The following SRRT variants were observed in gnomAD, a reference collection of about 807,000 sequenced individuals.
The protein encoded by SRRT is serrate, RNA effector molecule.
Under a neutral mutation model 103.2 loss-of-function variants are expected in SRRT, and 32 were observed. That is an observed-to-expected ratio of 0.31 (90% CI 0.23 to 0.42). The LOEUF (loss-of-function observed/expected upper bound fraction) is 0.42, where lower values mean the gene tolerates loss of function less well. SRRT is among the 10% of genes least tolerant of loss of function. The pLI is 1.00. For missense variants in SRRT, 986 were observed against 1,207.5 expected (o/e 0.82, Z 2.72); for synonymous variants, 525 against 449.0 (o/e 1.17, Z -2.14).
At chr7:100,875,392 G>C (rs1815570089) in intron 1 of SRRT, 64 bp downstream of exon 1, 1 of 1,364,040 alleles carries the variant, frequency 7.3e-7, no homozygotes, top group Non-Finnish European at 9.5e-7. Context: ...GTCCACGGGG[G>C]CGGGCGCGGA....
chr7:100,884,783 A>C lies in SRRT; in HGVS notation c.986A>C (p.Glu329Ala). ...AATGATGACAAAACAAAGAAGTCGG[A>C]GGGTGATGGGGACAAGGAAGAGAAG... ...SSNDDKTKKSEGDGDKEEKKE... is the reference protein window; with the variant it reads ...SSNDDKTKKSAGDGDKEEKKE... The change falls in exon 8 of 20, where the codon GAG (glutamate) becomes GCG (alanine). Residue 329 changes from glutamate (E) to alanine (A), a missense_variant. By Grantham distance (107) the Glu-to-Ala change is moderately radical. Transcript: ENST00000611405. 1 of 1,613,962 alleles carries C rather than the reference A, an allele frequency of 6.2e-7. No individual in the cohort carries two copies. The highest frequency in any genetic ancestry group is 8.5e-7 in the Non-Finnish European group (1 of 1,179,976).
chr7:100,877,732 G>C (rs919862964), intron 2 of SRRT, among the ~76,000 whole-genome samples: 2 of 151,908 alleles, frequency 1.3e-5, no homozygotes, highest in Admixed American at 6.6e-5. Context: ...ATGTTGGCCA[G>C]CTGGTCTTGA....
Position 100,888,082 on chromosome 7 carries a change from C to T in SRRT, c.2367C>T (p.His789=). 6.2e-7 allele frequency: 1 copy of T among 1,603,300 alleles called. No individual in the cohort carries two copies. Among genetic ancestry groups the T allele is most frequent in the East Asian group, 2.2e-5 (1 of 44,856 alleles). ...PGLTPGLPYP[H]QTPQGLMPYG... ...TGACCCCAGGACTCCCCTACCCACA[C>T]CAGACTCCCCAGGGCCTGATGCCCT... Residue 789 remains histidine, a synonymous_variant, in exon 18 of 20, where the codon CAC becomes CAT. Coordinates refer to ENST00000611405, the MANE Select transcript of SRRT (RefSeq NM_015908.6).
At position 100,875,909 on chromosome 7, in the gene SRRT, TC is replaced by T. The variant is rs1815642838; in HGVS notation, c.122+198del. On this transcript the variant is annotated intron_variant, in intron 2 of 19. Coordinates refer to ENST00000611405, the MANE Select transcript of SRRT (RefSeq NM_015908.6). ...CTTGGTTTTTGAAATTCTCTGCAGA[TC>T]AGAGCTATAGAGCTAAGAGTTTGAG... 1.0e-5 allele frequency: 6 copies of T among 589,862 alleles called. No homozygotes were observed. The East Asian group carries it at 1.9e-4, about 19-fold the overall frequency. The allele number at this position is 589,862 out of a possible 1,614,324, so 36.5% of individuals were successfully genotyped here. A position where few individuals can be genotyped will look rare whatever the true frequency, so the allele number is the denominator to read the frequency against.
In SRRT at chr7:100,888,653, A is replaced by G; in HGVS notation, c.*104A>G. The G allele has an allele frequency of 6.7e-7, 1 of 1,497,898 alleles. No individual in the cohort carries two copies. 92.8% of individuals were successfully genotyped at this position (1,497,898 alleles called of 1,614,324 possible). A position where few individuals can be genotyped will look rare whatever the true frequency, so the allele number is the denominator to read the frequency against. On this transcript the variant is annotated 3_prime_UTR_variant, in exon 20 of 20. Transcript: ENST00000611405. ...GATCAGCCTTACTGCTAATAAAAGC[A>G]CTTCCACAGGGCTCCTGACTCTCGT...
At chr7:100,884,289 G>A (rs771695055) in intron 6 of SRRT, 50 bp downstream of exon 6, 4 of 1,613,242 alleles carry the variant, frequency 2.5e-6, no homozygotes, top group Non-Finnish European at 2.5e-6. Flanking sequence ...TGGGGGTGGG[G>A]GTGTCTGGGG....
chr7:100,886,689 G>A, intron 13 of SRRT, 106 bp from the exon 14 acceptor site: 2 of 1,311,194 alleles, frequency 1.5e-6, no homozygotes, highest in South Asian at 1.3e-5. Context: ...TGCCATTTAT[G>A]TCCGGTGAAC....
In SRRT at chr7:100,882,286, C is replaced by T. The variant is rs746977672; in HGVS notation, c.587+45C>T. ...TGGACCTCTGCCCTGGCATGTCCCCCTGGCCCCGCTGGTGGAGCCACAGCC... is the reference window on the plus strand; with the variant it reads ...TGGACCTCTGCCCTGGCATGTCCCCTTGGCCCCGCTGGTGGAGCCACAGCC... On this transcript the variant is annotated intron_variant, in intron 5 of 19. Coordinates refer to ENST00000611405, the MANE Select transcript of SRRT (RefSeq NM_015908.6). The surrounding 1 kb of genome is among the most constrained non-coding windows in gnomAD (Gnocchi z 4.2). 4 of 1,587,788 alleles carry T rather than the reference C, an allele frequency of 2.5e-6. No homozygotes were observed. The highest frequency in any genetic ancestry group is 2.7e-5 in the African/African-American group (2 of 74,426).
Position 100,884,071 on chromosome 7 carries a change from T to C in SRRT, c.589T>C (p.Phe197Leu), listed in dbSNP as rs766301386. 6.4e-7 allele frequency: 1 copy of C among 1,573,038 alleles called. No homozygotes were observed. Among genetic ancestry groups the C allele is most frequent in the Non-Finnish European group, 8.6e-7 (1 of 1,164,662 alleles). ...TTCCCTCCCCCGCTTCGTTCCCAGG[T>C]TTCGGTCTAAGTACCACCCAGATGA... is the stretch of plus-strand genomic sequence containing the variant. ...FFLAHKDEEW[F>L]RSKYHPDEVG... Residue 197 changes from phenylalanine (F) to leucine (L), a missense_variant and splice_region_variant, in exon 6 of 20, where the codon TTT becomes CTT. Physicochemically the swap from Phe to Leu is conservative, Grantham distance 22 (BLOSUM62 0). This residue lies in a region of SRRT where 274 missense variants were observed against 358.5 expected (regional missense o/e 0.76). Transcript: ENST00000611405.
rs779346052 is a variant in SRRT at position 100,886,383 on chromosome 7, A to G, written c.1595A>G (p.Asp532Gly). The stretch of plus-strand genomic sequence containing the variant: ...GCGGCCAAGCTGATCCACACGCTGG[A>G]TGACAGGACACAGCTTTGGGCCTCA... The part of the protein sequence containing the change: ...KLAAKLIHTL[D>G]DRTQLWASEP... Residue 532 changes from aspartate to glycine, a missense_variant, in exon 13 of 20, where the codon GAT becomes GGT. By Grantham distance (94) the Asp-to-Gly change is moderately conservative. This residue lies in a region of SRRT where 349 missense variants were observed against 446.9 expected (regional missense o/e 0.78). Transcript: ENST00000611405. 2.5e-6 allele frequency: 4 copies of G among 1,613,760 alleles called. No individual in the cohort carries two copies. The highest frequency in any genetic ancestry group is 1.1e-5 in the South Asian group (1 of 91,052).
Position 100,884,551 on chromosome 7 carries a change from A to G in SRRT, c.941A>G (p.Gln314Arg). ...DKDEKKEDGK[Q>R]AENDSSNDDK... ...GATGAGAAGAAGGAAGACGGCAAGCAGGTCCGAGCCCTGGGTCTCCTAGTG... is the reference window on the plus strand; with the variant it reads ...GATGAGAAGAAGGAAGACGGCAAGCGGGTCCGAGCCCTGGGTCTCCTAGTG... The change falls in exon 7 of 20, where the codon CAG (glutamine) becomes CGG (arginine). Residue 314 changes from glutamine (Q) to arginine (R), a missense_variant and splice_region_variant. Gln to Arg is a conservative substitution (Grantham distance 43). Coordinates refer to ENST00000611405, the MANE Select transcript of SRRT (RefSeq NM_015908.6). 1.4e-6 allele frequency: 2 copies of G among 1,400,552 alleles called. No individual in the cohort carries two copies. The highest frequency in any genetic ancestry group is 2.0e-4 in the Middle Eastern group (1 of 4,966). The allele number at this position is 1,400,552 out of a possible 1,614,324, so 86.8% of individuals were successfully genotyped here. A position where few individuals can be genotyped will look rare whatever the true frequency, so the allele number is the denominator to read the frequency against.
chr7:100,884,312 C>A (rs1278285526), intron 6 of SRRT, 56 bp from the exon 7 acceptor site: 11 of 1,609,870 alleles, frequency 6.8e-6, no homozygotes, highest in Non-Finnish European at 9.3e-6. Flanking sequence ...CAGGTAGAAG[C>A]CGGTTGACAG....
chr7:100,880,683 G>GT, intron 2 of SRRT: 1 of 426,364 alleles, frequency 2.3e-6, no homozygotes, highest in Non-Finnish European at 4.7e-6. Context: ...AAAGTTTTCT[G>GT]TTTTATTTTT....
chr7:100,876,892 C>A (rs183871290), intron 2 of SRRT, among the ~76,000 whole-genome samples: 1 of 152,076 alleles, frequency 6.6e-6, no homozygotes, highest in Non-Finnish European at 1.5e-5. Flanking sequence ...TCCCCAGACA[C>A]GAGTGACATG....
chr7:100,881,719 TG>T lies in SRRT; in HGVS notation c.317del (p.Gly106AlafsTer43). 2 of 1,612,804 alleles carry T rather than the reference TG, an allele frequency of 1.2e-6. No individual in the cohort carries two copies. Among genetic ancestry groups the T allele is most frequent in the Non-Finnish European group, 1.7e-6 (2 of 1,179,738 alleles). On this transcript the variant is annotated frameshift_variant, in exon 4 of 20. Transcript: ENST00000611405. LOFTEE classifies it high-confidence loss of function. ...ATGAGATGCCCTATGCTGGGGGGGG[TG>T]GGGGCCCAACTTATGGCCCCCCTCA... is the stretch of plus-strand genomic sequence containing the variant. ...GYEMPYAGGG[G>X]GPTYGPPQPW...
At chr7:100,881,593 T>C in intron 3 of SRRT, 66 bp from the exon 4 acceptor site, 1 of 1,605,650 alleles carries the variant, frequency 6.2e-7, no homozygotes, top group Non-Finnish European at 8.5e-7. Flanking sequence ...CCCCCGTCTG[T>C]CCATCCTCCA....
chr7:100,886,952 A>T lies in SRRT; in HGVS notation c.1805A>T (p.Asp602Val). The change falls in exon 14 of 20, where the codon GAT becomes GTT. Residue 602 changes from aspartate to valine, a missense_variant. Physicochemically the swap from Asp to Val is radical, Grantham distance 152 (BLOSUM62 -3). Transcript: ENST00000611405. ...CCGGCAGAGATCAACGTGGAGCGGG[A>T]TGAGAAGTTGATTAAGGTGCCAGTG... Reference protein sequence around the residue: ...GNPAEINVERDEKLIKVLDKL... With the variant: ...GNPAEINVERVEKLIKVLDKL... The T allele has an allele frequency of 6.2e-7, 1 of 1,611,312 alleles. No homozygotes were observed. Among genetic ancestry groups the T allele is most frequent in the Non-Finnish European group, 8.5e-7 (1 of 1,178,064 alleles).
At chr7:100,875,433 C>A in intron 1 of SRRT, 105 bp downstream of exon 1, 1 of 1,470,718 alleles carries the variant, frequency 6.8e-7, no homozygotes, top group Non-Finnish European at 9.0e-7. Context: ...GTGTTGGAGC[C>A]GCGTTCTCAG....
chr7:100,887,578 C>T lies in SRRT; in HGVS notation c.2169+65C>T, dbSNP rs1269371902. ...AGGTGGGGTTGAGACAGGAAGCCCC[C>T]TGGGCAGGGGTGGGGGAACTGCTTA... On this transcript the variant is annotated intron_variant, in intron 16 of 19. Transcript: ENST00000611405. This position sits in a 1 kb window ranked among gnomAD's most constrained non-coding sequence, Gnocchi z 4.1. 2.5e-6 allele frequency: 4 copies of T among 1,589,846 alleles called. No homozygotes were observed. The highest frequency in any genetic ancestry group is 3.4e-6 in the Non-Finnish European group (4 of 1,165,746).
Sources: allele counts gnomAD v4.1 joint callset (sites outside exome capture counted in the v4.1 genomes callset), GRCh38; gene constraint gnomAD v4.1.1; regional missense constraint gnomAD v4.1.1; non-coding constraint Gnocchi (gnomAD v3.1); transcripts MANE v1.5; gene names NCBI Gene and HGNC (gene_info 2026-07-23, HGNC 2026-07-21).